Variants in MAGI2 observed in about 807,000 individuals in gnomAD.
MAGI2 encodes the protein membrane associated guanylate kinase, WW and PDZ domain containing 2, also known as membrane-associated guanylate kinase, WW and PDZ domain-containing protein 2.
MAGI2 carries 35 observed loss-of-function variants against 133.3 expected under a neutral mutation model. That is an observed-to-expected ratio of 0.26 (90% CI 0.20 to 0.35). The LOEUF (loss-of-function observed/expected upper bound fraction) is 0.35, where lower values mean the gene tolerates loss of function less well. Among genes scored for constraint, MAGI2 ranks in the 10% least tolerant of loss-of-function variants. MAGI2 has a pLI of 1.00. For missense variants in MAGI2, 1,636 were observed against 1,863.4 expected (o/e 0.88, Z 2.25); for synonymous variants, 729 against 710.6 (o/e 1.03, Z -0.41).
At chr7:79,155,420 G>A (rs187306545) in intron 1 of MAGI2, among the ~76,000 whole-genome samples, 2 of 152,156 alleles carry the variant, frequency 1.3e-5, no homozygotes, top group South Asian at 2.1e-4. Context: ...GGGGAGGGGG[G>A]CCATGGTAGG....
At chr7:78,513,816 C>T (rs192467209) in intron 4 of MAGI2, among the ~76,000 whole-genome samples, 84 of 152,148 alleles carry the variant, frequency 5.5e-4, no homozygotes, top group African/African-American at 1.7e-3. Context: ...GGGCCGGGTG[C>T]GGTGGCTCAC....
intron 10 of MAGI2, among the ~76,000 whole-genome samples, chr7:78,225,259 C>T (rs1260796990): frequency 6.6e-6 from 1 of 152,190 alleles, no homozygotes; most frequent in Non-Finnish European, 1.5e-5. Flanking sequence ...CAGACCATTG[C>T]TAGAAACACT....
chr7:78,562,505 A>G (rs1800511222), intron 3 of MAGI2, among the ~76,000 whole-genome samples: 2 of 152,230 alleles, frequency 1.3e-5, no homozygotes, highest in East Asian at 1.9e-4. Flanking sequence ...ATGGAGACAT[A>G]TAGAATGAAT....
At chr7:79,226,554 A>G (rs1356682230) in intron 1 of MAGI2, among the ~76,000 whole-genome samples, 2 of 152,148 alleles carry the variant, frequency 1.3e-5, no homozygotes, top group Non-Finnish European at 2.9e-5. Flanking sequence ...AAATAAAAAT[A>G]CATTGATAGG....
intron 2 of MAGI2, among the ~76,000 whole-genome samples, chr7:78,672,579 C>T (rs1814524078): frequency 6.6e-6 from 1 of 152,194 alleles, no homozygotes; most frequent in Admixed American, 6.5e-5. Context: ...TCTGAATAAA[C>T]TGTTGAGACA....
chr7:78,892,265 G>A (rs1796830244), intron 2 of MAGI2, among the ~76,000 whole-genome samples: 1 of 152,118 alleles, frequency 6.6e-6, no homozygotes, highest in Non-Finnish European at 1.5e-5. Flanking sequence ...CCATGCTCAT[G>A]GGTAGGAAGA....
At chr7:78,176,908 G>GACACACACAC (rs200781303) in intron 14 of MAGI2, among the ~76,000 whole-genome samples, 15,339 of 130,158 alleles carry the variant, frequency 0.12, 1,074 homozygotes, top group Non-Finnish European at 0.15. Flanking sequence ...ACCATATATA[G>GACACACACAC]ACACACACAC....
chr7:78,475,634 A>G (rs2150438757), intron 6 of MAGI2, among the ~76,000 whole-genome samples: 1 of 152,074 alleles, frequency 6.6e-6, no homozygotes, highest in Non-Finnish European at 1.5e-5. Flanking sequence ...AATAAAGCTT[A>G]ATAGAATAAT....
intron 1 of MAGI2, among the ~76,000 whole-genome samples, chr7:79,043,179 C>T (rs2116922616): frequency 6.6e-6 from 1 of 151,774 alleles, no homozygotes; most frequent in South Asian, 2.1e-4. Flanking sequence ...GGAACTAGCA[C>T]AACAAGAGCA....
intron 6 of MAGI2, among the ~76,000 whole-genome samples, chr7:78,461,403 T>TGTGTGC (rs1554423791): frequency 0.16 from 20,725 of 126,566 alleles, 1,460 homozygotes; most frequent in Middle Eastern, 0.26. Flanking sequence ...CGTGTGTGTG[T>TGTGTGC]GTGTGTGTGT....
intron 2 of MAGI2, among the ~76,000 whole-genome samples, chr7:78,958,572 A>G (rs1306612923): frequency 6.6e-6 from 1 of 152,144 alleles, no homozygotes; most frequent in Non-Finnish European, 1.5e-5. Context: ...TTAAGCAGAA[A>G]ATTAAATGTA....
intron 2 of MAGI2, among the ~76,000 whole-genome samples, chr7:78,816,712 C>T (rs1438199695): frequency 1.3e-5 from 2 of 152,072 alleles, no homozygotes; most frequent in Non-Finnish European, 2.9e-5. Flanking sequence ...TTTAAGCCCA[C>T]TGTTGAGAAC....
intron 2 of MAGI2, among the ~76,000 whole-genome samples, chr7:78,688,095 G>T (rs2151113953): frequency 6.6e-6 from 1 of 150,926 alleles, no homozygotes; most frequent in African/African-American, 2.4e-5. Context: ...ATCACATTTA[G>T]CATATTAAAG....
intron 1 of MAGI2, among the ~76,000 whole-genome samples, chr7:79,081,709 C>T (rs1816050968): frequency 6.6e-6 from 1 of 152,046 alleles, no homozygotes; most frequent in African/African-American, 2.4e-5. Context: ...GTTTCTTCCT[C>T]TCCTGTCCCC....
intron 1 of MAGI2, among the ~76,000 whole-genome samples, chr7:79,431,289 T>C (rs760488404): frequency 1.3e-5 from 2 of 152,092 alleles, no homozygotes; most frequent in Non-Finnish European, 2.9e-5. Context: ...TGTAAACAAA[T>C]AGCAGATTTA....
Position 78,480,015 on chromosome 7 carries a change from G to T in MAGI2, c.1045+9746C>A, listed in dbSNP as rs369933063. ...AGTGGATATAACAGGGCAGAACAAT[G>T]AAATTAAAGACAGATCCACAAAGTT... On this transcript the variant is annotated intron_variant, in intron 6 of 21. Transcript: ENST00000354212. 3.8e-4 allele frequency among the ~76,000 whole-genome samples: 58 copies of T among 151,962 alleles called. No individual in the cohort carries two copies. The South Asian group carries it at 7.1e-3, about 19-fold the overall frequency.
At chr7:79,063,407 A>G (rs10953759) in intron 1 of MAGI2, among the ~76,000 whole-genome samples, 137,183 of 152,124 alleles carry the variant, frequency 0.9, 62,161 homozygotes, top group Non-Finnish European at 0.94. Flanking sequence ...AAAGGATTAC[A>G]TTACAAAGTG....
At chr7:78,191,207 A>T (rs1828178468) in intron 12 of MAGI2, among the ~76,000 whole-genome samples, 1 of 152,090 alleles carries the variant, frequency 6.6e-6, no homozygotes, top group South Asian at 2.1e-4. Context: ...ATATGGAATT[A>T]AGTTAGTGGG....
At chr7:79,193,256 T>C (rs1393818392) in intron 1 of MAGI2, among the ~76,000 whole-genome samples, 2 of 152,014 alleles carry the variant, frequency 1.3e-5, no homozygotes, top group Non-Finnish European at 2.9e-5. Context: ...TTTCATATAG[T>C]AGCCAATCGC....
Sources: allele counts gnomAD v4.1 joint callset (sites outside exome capture counted in the v4.1 genomes callset), GRCh38; gene constraint gnomAD v4.1.1; transcripts MANE v1.5; gene names NCBI Gene and HGNC (gene_info 2026-07-23, HGNC 2026-07-21).